The following ST8SIA2 variants were observed in gnomAD, a reference collection of about 807,000 sequenced individuals.
The protein encoded by ST8SIA2 is alpha-2,8-sialyltransferase 8B.
In ST8SIA2, 22 loss-of-function variants were observed where a neutral mutation model predicts 37.6. The ratio of observed to expected loss-of-function variants is 0.58; its 90% CI spans 0.42 to 0.83. ST8SIA2 has a LOEUF of 0.83. Ranked by LOEUF, ST8SIA2 falls within the 40% of genes least tolerant of loss-of-function variation. ST8SIA2 has a pLI of 0.00. For missense variants in ST8SIA2, 382 were observed against 484.7 expected (o/e 0.79, Z 1.99); for synonymous variants, 205 against 201.2 (o/e 1.02, Z -0.16).
intron 5 of ST8SIA2, among the ~76,000 whole-genome samples, chr15:92,450,027 T>C (rs887034610): frequency 6.6e-6 from 1 of 152,236 alleles, no homozygotes; most frequent in African/African-American, 2.4e-5. Flanking sequence ...GGAGAAGGTT[T>C]TCATCACCTT....
At chr15:92,429,884 G>A (rs2049702443) in intron 1 of ST8SIA2, among the ~76,000 whole-genome samples, 165 bp from the exon 2 acceptor site, 1 of 152,204 alleles carries the variant, frequency 6.6e-6, no homozygotes, top group African/African-American at 2.4e-5. Flanking sequence ...TAAAATGTTT[G>A]GGCTGTGTCT....
rs1403258353 is a variant in ST8SIA2 at position 92,467,550 on chromosome 15, C to T, written c.*3165C>T. The stretch of plus-strand genomic sequence containing the variant: ...TGGCCCCTCGGCACCCAGAATGCCA[C>T]ATTCTTGTGTTTTTTTCCTCCTTCT... On this transcript the variant is annotated 3_prime_UTR_variant, in exon 6 of 6. Coordinates refer to ENST00000268164, the MANE Select transcript of ST8SIA2 (RefSeq NM_006011.4). 1 of 152,684 alleles carries T rather than the reference C, an allele frequency of 6.5e-6. No homozygotes were observed. The highest frequency in any genetic ancestry group is 1.9e-4 in the East Asian group (1 of 5,194). 9.5% of individuals were successfully genotyped at this position (152,684 alleles called of 1,614,324 possible). A position where few individuals can be genotyped will look rare whatever the true frequency, so the allele number is the denominator to read the frequency against.
chr15:92,438,539 C>T lies in ST8SIA2; in HGVS notation c.477C>T (p.Ile159=), dbSNP rs756578231. Residue 159 remains isoleucine, a synonymous_variant, in exon 4 of 6, where the codon ATC becomes ATT. Transcript: ENST00000268164. The part of the protein sequence containing the change: ...LKNKHFGTCA[I]VGNSGVLLNS... ...ATAAGCACTTTGGGACTTGTGCCAT[C>T]GTGGGCAACTCGGGGGTCTTGCTGA... 9.3e-6 allele frequency: 15 copies of T among 1,614,124 alleles called. No homozygotes were observed. The Middle Eastern group carries it at 4.9e-4, about 53-fold the overall frequency.
At chr15:92,424,603 A>G (rs1021783215) in intron 1 of ST8SIA2, among the ~76,000 whole-genome samples, 2 of 151,608 alleles carry the variant, frequency 1.3e-5, no homozygotes, top group African/African-American at 4.9e-5. Context: ...AGTGTGAAAA[A>G]AAGTTTGACA....
chr15:92,446,256 G>A (rs543213496), intron 5 of ST8SIA2, among the ~76,000 whole-genome samples: 8 of 152,262 alleles, frequency 5.3e-5, no homozygotes, highest in South Asian at 2.1e-4. Flanking sequence ...TGATCTCTCC[G>A]CATGGGCTAG....
chr15:92,432,018 C>T (rs1271213694), intron 2 of ST8SIA2, among the ~76,000 whole-genome samples: 7 of 152,144 alleles, frequency 4.6e-5, no homozygotes, highest in Non-Finnish European at 8.8e-5. Context: ...GGTTTCCAAG[C>T]AGGTCTCCTC....
chr15:92,462,650 C>T (rs949832386), intron 5 of ST8SIA2, among the ~76,000 whole-genome samples: 1 of 152,184 alleles, frequency 6.6e-6, no homozygotes, highest in Non-Finnish European at 1.5e-5. Context: ...GAGATGTCAA[C>T]AGAAACCATG....
At chr15:92,407,972 A>G (rs926675323) in intron 1 of ST8SIA2, among the ~76,000 whole-genome samples, 5 of 152,150 alleles carry the variant, frequency 3.3e-5, no homozygotes, top group African/African-American at 9.7e-5. Context: ...AGTTTATGCA[A>G]TGACATCCCA....
At chr15:92,434,973 T>G (rs1442444314) in intron 3 of ST8SIA2, among the ~76,000 whole-genome samples, 2 of 152,248 alleles carry the variant, frequency 1.3e-5, no homozygotes, top group African/African-American at 2.4e-5. Flanking sequence ...TTCAGAGCAC[T>G]GCAGCCATCA....
intron 1 of ST8SIA2, among the ~76,000 whole-genome samples, chr15:92,420,442 A>T (rs1051667050): frequency 6.6e-6 from 1 of 152,192 alleles, no homozygotes; most frequent in Admixed American, 6.5e-5. Flanking sequence ...AAGTACCTTT[A>T]TGTAAAGACT....
At chr15:92,461,838 TGA>T (rs3034495) in intron 5 of ST8SIA2, among the ~76,000 whole-genome samples, 23,294 of 152,138 alleles carry the variant, frequency 0.15, 2,232 homozygotes, top group African/African-American at 0.27. Context: ...CAGAGACTTC[TGA>T]GAGAGAGCAC....
chr15:92,421,209 C>G (rs1012526755), intron 1 of ST8SIA2: 1 of 152,134 alleles, frequency 6.6e-6, no homozygotes, highest in Non-Finnish European at 1.5e-5. Flanking sequence ...TGGTAATGGG[C>G]CGGCAGTGCA....
intron 2 of ST8SIA2, among the ~76,000 whole-genome samples, chr15:92,432,028 C>T (rs972606018): frequency 6.6e-6 from 1 of 152,178 alleles, no homozygotes; most frequent in Non-Finnish European, 1.5e-5. Flanking sequence ...CAGGTCTCCT[C>T]TCCAGGCATC....
rs758424986 is a variant in ST8SIA2, at chr15:92,444,621, CT to C, written c.549-10del. 6.2e-7 allele frequency: 1 copy of C among 1,614,214 alleles called. No homozygotes were observed. Among genetic ancestry groups the C allele is most frequent in the South Asian group, 1.1e-5 (1 of 91,082 alleles). ...AGCTTTCCCAAAAGGATCATGTTGCCTTTTTCTCCGGCAGGTGCAACCTGGC... is the reference window on the plus strand; with the variant it reads ...AGCTTTCCCAAAAGGATCATGTTGCCTTTTCTCCGGCAGGTGCAACCTGGC... On this transcript the variant is annotated splice_polypyrimidine_tract_variant and intron_variant, in intron 4 of 5. Transcript: ENST00000268164.
chr15:92,399,076 A>G (rs2129794), intron 1 of ST8SIA2, among the ~76,000 whole-genome samples: 7,804 of 152,202 alleles, frequency 0.051, 526 homozygotes, highest in East Asian at 0.32. Context: ...CCTGTTACAC[A>G]AGGTCACCTG....
intron 1 of ST8SIA2, among the ~76,000 whole-genome samples, chr15:92,412,655 T>TTTG (rs1567212365): frequency 3.2e-4 from 49 of 152,178 alleles, no homozygotes; most frequent in African/African-American, 1.1e-3. Flanking sequence ...TTTGTTTTTG[T>TTTG]TTTGTTTGTT....
In ST8SIA2 at chr15:92,403,550, C is replaced by T. The variant is rs1007279491; in HGVS notation, c.98+9388C>T. On this transcript the variant is annotated intron_variant, in intron 1 of 5. Transcript: ENST00000268164. ...TGGACTCTACCTGGGGAGGTGTGAG[C>T]ACTTGTTATTGAGCTTCCCCAGTTC... is the stretch of plus-strand genomic sequence containing the variant. 4.6e-5 allele frequency among the ~76,000 whole-genome samples: 7 copies of T among 152,288 alleles called. No homozygotes were observed. The East Asian group carries it at 9.7e-4, about 21-fold the overall frequency.
At chr15:92,431,386 T>A (rs2049714680) in intron 2 of ST8SIA2, among the ~76,000 whole-genome samples, 1 of 152,238 alleles carries the variant, frequency 6.6e-6, no homozygotes, top group South Asian at 2.1e-4. Context: ...CCCCATTTAA[T>A]TAGAATAATA....
rs2049980887 is a variant in ST8SIA2 at position 92,464,740 on chromosome 15, C to T, written c.*355C>T. On this transcript the variant is annotated 3_prime_UTR_variant, in exon 6 of 6. Transcript: ENST00000268164. ...AAACTGCCTCCTGGCTTGGAGGGAT[C>T]TTTGGGCTCATGGATGAATGGCGAG... The T allele has an allele frequency of 3.4e-6, 1 of 295,908 alleles. No homozygotes were observed. Among genetic ancestry groups the T allele is most frequent in the South Asian group, 4.0e-5 (1 of 25,186 alleles). 18.3% of individuals were successfully genotyped at this position (295,908 alleles called of 1,614,324 possible). A position where few individuals can be genotyped will look rare whatever the true frequency, so the allele number is the denominator to read the frequency against.
Sources: allele counts gnomAD v4.1 joint callset (sites outside exome capture counted in the v4.1 genomes callset), GRCh38; gene constraint gnomAD v4.1.1; transcripts MANE v1.5; gene names NCBI Gene and HGNC (gene_info 2026-07-23, HGNC 2026-07-21).